Variants in PCDH15 observed in about 807,000 individuals in gnomAD.
The protein encoded by PCDH15 is protocadherin-15.
In PCDH15, 129 loss-of-function variants were observed where a neutral mutation model predicts 178.5. The observed-to-expected ratio is 0.72, with a 90% CI of 0.63 to 0.84. The LOEUF (loss-of-function observed/expected upper bound fraction) is 0.84. Ranked by LOEUF, PCDH15 falls within the 40% of genes least tolerant of loss-of-function variation. The pLI, the probability that PCDH15 is intolerant of heterozygous loss-of-function variation, is 0.00. For synonymous variants in PCDH15, 800 were observed against 732.0 expected, an observed-to-expected ratio of 1.09 and a Z score of -1.50; for missense variants, 2,230 against 2,099.9, an observed-to-expected ratio of 1.06 and a Z score of -1.21.
chr10:54,418,267 T>C (rs1589296033), intron 3 of PCDH15, among the ~76,000 whole-genome samples: 1 of 152,222 alleles, frequency 6.6e-6, no homozygotes, highest in Non-Finnish European at 1.5e-5. Flanking sequence ...GAATTGGTTA[T>C]ATTATTTTGA....
intron 2 of PCDH15, among the ~76,000 whole-genome samples, chr10:55,094,146 T>C (rs1228697111): frequency 6.6e-6 from 1 of 152,124 alleles, no homozygotes; most frequent in Non-Finnish European, 1.5e-5. Flanking sequence ...CCAACCAAAA[T>C]GTCCAACAAT....
At chr10:55,498,113 TG>T (rs1463474484) in intron 2 of PCDH15, among the ~76,000 whole-genome samples, 1 of 151,884 alleles carries the variant, frequency 6.6e-6, no homozygotes, top group African/African-American at 2.4e-5. Flanking sequence ...AATTGAAGAA[TG>T]CAATTATCTC....
intron 1 of PCDH15, among the ~76,000 whole-genome samples, chr10:54,752,517 CAAACAAACAAACAAAA>C (rs1946462077): frequency 1.2e-5 from 1 of 85,632 alleles, no homozygotes; most frequent in Non-Finnish European, 2.4e-5. Context: ...AAAAAACAAA[CAAACAAACAAACAAAA>C]AAAAACAATA....
chr10:54,791,960 C>T (rs572245259), intron 1 of PCDH15, among the ~76,000 whole-genome samples: 9 of 151,968 alleles, frequency 5.9e-5, no homozygotes, highest in East Asian at 1.9e-4. Context: ...CTTGTTACAA[C>T]ACAAAAGCCC....
chr10:55,190,530 C>T (rs1026927438), intron 1 of PCDH15, among the ~76,000 whole-genome samples: 1 of 151,632 alleles, frequency 6.6e-6, no homozygotes, highest in African/African-American at 2.4e-5. Flanking sequence ...ATTTAAAACC[C>T]TTACATACCA....
chr10:54,110,918 T>C (rs2095010703), intron 15 of PCDH15, among the ~76,000 whole-genome samples: 1 of 152,330 alleles, frequency 6.6e-6, no homozygotes. Flanking sequence ...GTAAATATTC[T>C]TTACTTTTCA....
At chr10:55,224,427 T>C (rs1369635475) in intron 1 of PCDH15, among the ~76,000 whole-genome samples, 4 of 152,068 alleles carry the variant, frequency 2.6e-5, no homozygotes, top group Non-Finnish European at 5.9e-5. Context: ...TAAGGGTCCT[T>C]GTGTGCTTTT....
intron 1 of PCDH15, among the ~76,000 whole-genome samples, chr10:54,708,802 G>GTGTGTGTGTGTGTGTT (rs2095395158): frequency 8.8e-6 from 1 of 114,202 alleles, no homozygotes; most frequent in South Asian, 2.5e-4. Flanking sequence ...GTGTGTGTGT[G>GTGTGTGTGTGTGTGTT]CGCGCGCGTG....
At chr10:54,635,509 G>T (rs2093827441) in intron 2 of PCDH15, among the ~76,000 whole-genome samples, 1 of 151,628 alleles carries the variant, frequency 6.6e-6, no homozygotes, top group Non-Finnish European at 1.5e-5. Flanking sequence ...AAATTGTGAA[G>T]TTCACAGTAA....
chr10:55,398,170 CAA>C (rs11423297), intron 2 of PCDH15, among the ~76,000 whole-genome samples: 1 of 145,722 alleles, frequency 6.9e-6, no homozygotes. Flanking sequence ...TCTGTTTTAC[CAA>C]AAAAAAAAAA....
At chr10:54,763,440 C>G (rs538659457) in intron 1 of PCDH15, among the ~76,000 whole-genome samples, 41 of 152,126 alleles carry the variant, frequency 2.7e-4, no homozygotes, top group African/African-American at 8.2e-4. Context: ...ATATTGCTAA[C>G]TGGAGAAAAT....
At chr10:54,428,037 A>G (rs1565249119) in intron 3 of PCDH15, among the ~76,000 whole-genome samples, 1 of 152,206 alleles carries the variant, frequency 6.6e-6, no homozygotes, top group East Asian at 1.9e-4. Flanking sequence ...TTACTCTTGA[A>G]GCCGATATAA....
At chr10:55,068,364 T>C (rs935112579) in intron 2 of PCDH15, among the ~76,000 whole-genome samples, 1 of 152,078 alleles carries the variant, frequency 6.6e-6, no homozygotes, top group Admixed American at 6.6e-5. Context: ...GACTGTCCTT[T>C]CCCCAGTGAA....
intron 2 of PCDH15, among the ~76,000 whole-genome samples, chr10:54,612,357 G>A (rs996095359): frequency 7.2e-5 from 11 of 151,796 alleles, no homozygotes; most frequent in Non-Finnish European, 1.5e-4. Context: ...AAAAGGTTCA[G>A]TATCTTAACC....
At chr10:55,417,628 G>A (rs1004546414) in intron 2 of PCDH15, among the ~76,000 whole-genome samples, 1 of 151,512 alleles carries the variant, frequency 6.6e-6, no homozygotes, top group Admixed American at 6.6e-5. Context: ...CATAAAGCTA[G>A]GATTCTTTAG....
chr10:54,264,529 C>G (rs1021714534), intron 8 of PCDH15, among the ~76,000 whole-genome samples: 1 of 151,878 alleles, frequency 6.6e-6, no homozygotes. Context: ...AAAAACAGTC[C>G]GAATTTGAAA....
At chr10:55,176,435 G>A (rs1023843604) in intron 1 of PCDH15, among the ~76,000 whole-genome samples, 1 of 152,050 alleles carries the variant, frequency 6.6e-6, no homozygotes. Context: ...CAACTCAAGG[G>A]AAAATTGGCT....
chr10:54,558,296 C>G (rs554483515), intron 2 of PCDH15, among the ~76,000 whole-genome samples: 2 of 152,198 alleles, frequency 1.3e-5, no homozygotes, highest in Non-Finnish European at 2.9e-5. Context: ...CATAAGCCAA[C>G]TAATTTTATT....
intron 2 of PCDH15, among the ~76,000 whole-genome samples, chr10:55,517,787 C>A (rs1365803200): frequency 3.3e-5 from 5 of 152,086 alleles, no homozygotes; most frequent in African/African-American, 9.7e-5. Context: ...TACATCCCTA[C>A]CATGGAGTAC....
Sources: gnomAD v4.1 joint callset for allele counts (sites outside exome capture counted in the v4.1 genomes callset) on GRCh38, gnomAD v4.1.1 for gene constraint, MANE v1.5 for transcripts, NCBI Gene and HGNC (gene_info 2026-07-23, HGNC 2026-07-21) for gene names.